The following PTPRD variants were observed in gnomAD, a reference collection of about 807,000 sequenced individuals.
PTPRD encodes receptor-type tyrosine-protein phosphatase delta.
A neutral mutation model predicts 214.5 loss-of-function variants in PTPRD; 34 were observed. The observed-to-expected ratio is 0.16, with a 90% CI of 0.12 to 0.21. The LOEUF (loss-of-function observed/expected upper bound fraction) is 0.21. PTPRD is among the 10% of genes least tolerant of loss of function. The probability of loss-of-function intolerance (pLI) is 1.00; values close to 1 mark genes in which losing one functional copy is unlikely to be tolerated. For missense variants in PTPRD, 2,545 were observed against 2,398.7 expected (o/e 1.06, Z -1.27); for synonymous variants, 1,128 against 845.7 (o/e 1.33, Z -5.79).
chr9:10,312,368 T>G (rs2096289654), intron 3 of PTPRD, among the ~76,000 whole-genome samples: 1 of 151,972 alleles, frequency 6.6e-6, no homozygotes, highest in Admixed American at 6.6e-5. Context: ...ACATACACAA[T>G]TAAATAGTAT....
At chr9:9,774,250 T>G (rs1372691290) in intron 5 of PTPRD, among the ~76,000 whole-genome samples, 3 of 152,210 alleles carry the variant, frequency 2.0e-5, no homozygotes, top group African/African-American at 7.2e-5. Flanking sequence ...TGTATCATCC[T>G]AGAGGACTTT....
intron 7 of PTPRD, among the ~76,000 whole-genome samples, chr9:9,673,345 A>C (rs1720319640): frequency 6.6e-6 from 1 of 151,908 alleles, no homozygotes; most frequent in Non-Finnish European, 1.5e-5. Context: ...AACTCAGAGA[A>C]ACTACTCAAA....
At position 10,599,177 on chromosome 9, in the gene PTPRD, T is replaced by A. The variant is rs532940530; in HGVS notation, c.-600+13221A>T. 2.0e-5 allele frequency among the ~76,000 whole-genome samples: 3 copies of A among 151,834 alleles called. No individual in the cohort carries two copies. The East Asian group carries it at 5.9e-4, about 30-fold the overall frequency. ...TAGATGAGGACCATTCCCTAGGTGA[T>A]GATCGAGCAATGTGATGGCAGAAAC... is the stretch of plus-strand genomic sequence containing the variant. On this transcript the variant is annotated intron_variant, in intron 2 of 45. Coordinates refer to ENST00000381196, the MANE Select transcript of PTPRD (RefSeq NM_002839.4).
intron 11 of PTPRD, among the ~76,000 whole-genome samples, chr9:8,925,296 G>T (rs1235871006): frequency 1.3e-5 from 2 of 152,030 alleles, no homozygotes; most frequent in Non-Finnish European, 2.9e-5. Context: ...TGCTCTTATA[G>T]GCAGGGATGG....
At chr9:8,643,347 A>C (rs899974295) in intron 12 of PTPRD, among the ~76,000 whole-genome samples, 4 of 152,174 alleles carry the variant, frequency 2.6e-5, no homozygotes, top group African/African-American at 9.6e-5. Flanking sequence ...GGTATTAGGA[A>C]GGGAGGGAGG....
chr9:10,264,589 T>C (rs2093926111), intron 3 of PTPRD, among the ~76,000 whole-genome samples: 1 of 152,188 alleles, frequency 6.6e-6, no homozygotes, highest in Non-Finnish European at 1.5e-5. Context: ...CCCCATTGTA[T>C]CTAGGAAGTA....
chr9:9,205,703 G>A (rs2099944426), intron 9 of PTPRD, among the ~76,000 whole-genome samples: 1 of 152,054 alleles, frequency 6.6e-6, no homozygotes, highest in African/African-American at 2.4e-5. Flanking sequence ...TAATTGCCAA[G>A]TCAATACAGT....
intron 5 of PTPRD, among the ~76,000 whole-genome samples, chr9:9,905,890 T>G (rs547620826): frequency 6.6e-6 from 1 of 152,004 alleles, no homozygotes; most frequent in East Asian, 1.9e-4. Context: ...CTGCCTTGAC[T>G]GGAGAAGCAT....
chr9:8,780,346 T>G (rs1270621210), intron 11 of PTPRD, among the ~76,000 whole-genome samples: 6 of 147,878 alleles, frequency 4.1e-5, no homozygotes. Flanking sequence ...AAAATATTCC[T>G]TAAATACCAA....
Position 9,221,013 on chromosome 9 carries a change from C to T in PTPRD, c.-202-37650G>A, listed in dbSNP as rs187071868. On this transcript the variant is annotated intron_variant, in intron 9 of 45. Transcript: ENST00000381196. ...GAGGTAAAAGAGCCATGACAACTGC[C>T]TTCAGTTCTGTCCCTCTCCCTGGTT... 2.9e-4 allele frequency among the ~76,000 whole-genome samples: 44 copies of T among 152,134 alleles called. 1 individual carries two copies. Among genetic ancestry groups the T allele is most frequent in the African/African-American group, 1.0e-3 (43 of 41,534 alleles).
intron 6 of PTPRD, among the ~76,000 whole-genome samples, chr9:9,760,979 A>C (rs937211002): frequency 6.6e-6 from 1 of 152,224 alleles, no homozygotes; most frequent in Admixed American, 6.5e-5. Context: ...AGCTACACTG[A>C]AAAACAGTTG....
At chr9:9,431,239 C>T (rs149426624) in intron 8 of PTPRD, among the ~76,000 whole-genome samples, 4 of 152,220 alleles carry the variant, frequency 2.6e-5, no homozygotes, top group East Asian at 1.9e-4. Flanking sequence ...AAAAAGTAGG[C>T]GAAGGATATG....
At chr9:10,377,988 G>C (rs73402299) in intron 2 of PTPRD, among the ~76,000 whole-genome samples, 4,590 of 152,052 alleles carry the variant, frequency 0.03, 230 homozygotes, top group African/African-American at 0.1. Context: ...CCTCCAAATT[G>C]TTCTCCATAG....
intron 8 of PTPRD, among the ~76,000 whole-genome samples, chr9:9,429,851 A>T (rs1054624741): frequency 1.3e-5 from 2 of 152,034 alleles, no homozygotes; most frequent in African/African-American, 2.4e-5. Context: ...AAATTCAACA[A>T]CCCTTCATGC....
intron 7 of PTPRD, among the ~76,000 whole-genome samples, chr9:9,670,312 A>C (rs908896124): frequency 6.6e-6 from 1 of 152,160 alleles, no homozygotes; most frequent in Non-Finnish European, 1.5e-5. Flanking sequence ...TCCAAGCAGC[A>C]AAGCATTCAA....
chr9:8,496,273 A>G (rs1047371225), intron 26 of PTPRD, among the ~76,000 whole-genome samples: 3 of 151,754 alleles, frequency 2.0e-5, no homozygotes, highest in African/African-American at 7.3e-5. Context: ...TAAATTCTCA[A>G]CTAAGCTTCA....
intron 5 of PTPRD, among the ~76,000 whole-genome samples, chr9:9,937,717 T>A (rs889206855): frequency 5.3e-5 from 8 of 152,140 alleles, no homozygotes; most frequent in Admixed American, 5.2e-4. Context: ...TACTATTCTT[T>A]GAAACTGTGG....
At chr9:8,729,038 C>T (rs2098624383) in intron 12 of PTPRD, among the ~76,000 whole-genome samples, 1 of 152,140 alleles carries the variant, frequency 6.6e-6, no homozygotes, top group Non-Finnish European at 1.5e-5. Context: ...TCAATGGCCA[C>T]TCACTCTCTT....
At chr9:9,796,394 A>G (rs758417073) in intron 5 of PTPRD, among the ~76,000 whole-genome samples, 3 of 152,210 alleles carry the variant, frequency 2.0e-5, no homozygotes, top group Non-Finnish European at 2.9e-5. Context: ...TGAGGAATCA[A>G]TGAAATTACG....
Sources: allele counts gnomAD v4.1 joint callset (sites outside exome capture counted in the v4.1 genomes callset), GRCh38; gene constraint gnomAD v4.1.1; transcripts MANE v1.5; gene names NCBI Gene and HGNC (gene_info 2026-07-23, HGNC 2026-07-21).